The following TENM2 variants were observed in gnomAD, a reference collection of about 807,000 sequenced individuals.
The protein encoded by TENM2 is teneurin-2.
TENM2 carries 52 observed loss-of-function variants against 245.2 expected under a neutral mutation model. That is an observed-to-expected ratio of 0.21 (90% confidence interval 0.17 to 0.27). The LOEUF (loss-of-function observed/expected upper bound fraction) is 0.27. Among genes scored for constraint, TENM2 ranks in the 10% least tolerant of loss-of-function variants. TENM2 has a pLI of 1.00. For synonymous variants in TENM2, 1,363 were observed against 1,438.9 expected (o/e 0.95, Z 1.19); for missense variants, 3,046 against 3,666.8 (o/e 0.83, Z 4.37).
At chr5:167,959,493 C>T (rs1351977059) in intron 4 of TENM2, among the ~76,000 whole-genome samples, 1 of 152,188 alleles carries the variant, frequency 6.6e-6, no homozygotes, top group African/African-American at 2.4e-5. Context: ...ATCTATTTGG[C>T]TATTGATACT....
intron 6 of TENM2, among the ~76,000 whole-genome samples, chr5:168,050,479 C>A (rs1158703531): frequency 6.6e-6 from 1 of 151,974 alleles, no homozygotes; most frequent in Non-Finnish European, 1.5e-5. Context: ...AATAACACCG[C>A]CTCCTTTTTT....
At chr5:167,846,412 T>C (rs1770044230) in intron 2 of TENM2, among the ~76,000 whole-genome samples, 1 of 152,250 alleles carries the variant, frequency 6.6e-6, no homozygotes, top group Non-Finnish European at 1.5e-5. Context: ...GCAAGTCATT[T>C]CATTTCGGAA....
intron 15 of TENM2, among the ~76,000 whole-genome samples, chr5:168,197,349 CTT>C (rs1761526433): frequency 6.6e-6 from 1 of 152,108 alleles, no homozygotes; most frequent in African/African-American, 2.4e-5. Flanking sequence ...TCCAAGTACT[CTT>C]AGCTGCTGGG....
chr5:167,379,687 T>G (rs1283458072), intron 2 of TENM2, among the ~76,000 whole-genome samples: 2 of 152,024 alleles, frequency 1.3e-5, no homozygotes, highest in African/African-American at 4.8e-5. Context: ...GGAACAGACA[T>G]AAAAACTTAC....
At chr5:167,763,183 C>T (rs1265202806) in intron 2 of TENM2, among the ~76,000 whole-genome samples, 1 of 152,136 alleles carries the variant, frequency 6.6e-6, no homozygotes, top group East Asian at 1.9e-4. Flanking sequence ...AAAATGTGGT[C>T]AAAGCAAGTG....
At chr5:167,863,392 A>T (rs1772004481) in intron 2 of TENM2, among the ~76,000 whole-genome samples, 1 of 151,788 alleles carries the variant, frequency 6.6e-6, no homozygotes, top group African/African-American at 2.4e-5. Flanking sequence ...AGGCAGGAGA[A>T]TTGCCTGGGG....
chr5:167,790,224 GT>G (rs1448591829), intron 2 of TENM2, among the ~76,000 whole-genome samples: 1 of 152,094 alleles, frequency 6.6e-6, no homozygotes, highest in African/African-American at 2.4e-5. Context: ...AATACGGTCT[GT>G]TTCTAAGACT....
chr5:167,862,282 C>T (rs1053509889), intron 2 of TENM2, among the ~76,000 whole-genome samples: 49 of 151,394 alleles, frequency 3.2e-4, no homozygotes, highest in Middle Eastern at 6.8e-3. Context: ...TATGTACATG[C>T]ATTTGTGCAC....
chr5:167,214,349 G>C, the TENM2 span, among the ~76,000 whole-genome samples: 1 of 152,120 alleles, frequency 6.6e-6, no homozygotes, highest in African/African-American at 2.4e-5. Flanking sequence ...TACCATGGAA[G>C]GGATCTATAG....
intron 12 of TENM2, among the ~76,000 whole-genome samples, chr5:168,155,766 T>TA (rs761618195): frequency 6.6e-6 from 1 of 152,054 alleles, no homozygotes. Context: ...CTAACTATGA[T>TA]AGCTGTCATA....
chr5:167,909,638 G>A (rs537097792), intron 3 of TENM2, among the ~76,000 whole-genome samples: 1 of 152,148 alleles, frequency 6.6e-6, no homozygotes, highest in South Asian at 2.1e-4. Context: ...CATTTGCAAA[G>A]ATTAGAAATC....
At chr5:167,382,938 A>G (rs1253337363) in intron 2 of TENM2, among the ~76,000 whole-genome samples, 1 of 151,998 alleles carries the variant, frequency 6.6e-6, no homozygotes, top group Non-Finnish European at 1.5e-5. Flanking sequence ...ACACAAATAT[A>G]TAAAACTATG....
chr5:166,992,867 C>T, the TENM2 span, among the ~76,000 whole-genome samples: 60 of 152,242 alleles, frequency 3.9e-4, no homozygotes, highest in African/African-American at 1.3e-3. Context: ...ACAAATATGC[C>T]GCCACCTTAA....
Position 168,204,363 on chromosome 5 carries a change from C to A in TENM2, c.3575-9C>A, listed in dbSNP as rs1170163008. ...TTCAGTAACCCCTCCCATTCTCCAA[C>A]CCCCACAGGAATCCTACACAAAGGC... On this transcript the variant is annotated splice_polypyrimidine_tract_variant and intron_variant, in intron 18 of 28. Coordinates refer to ENST00000518659, the Ensembl canonical transcript of TENM2. 1.2e-6 allele frequency: 2 copies of A among 1,610,306 alleles called. No homozygotes were observed. The highest frequency in any genetic ancestry group is 1.7e-5 in the Admixed American group (1 of 59,930).
intron 2 of TENM2, among the ~76,000 whole-genome samples, chr5:167,445,363 A>AGAGAGAGAGG (rs1561961822): frequency 8.6e-5 from 12 of 139,734 alleles, no homozygotes; most frequent in African/African-American, 2.7e-4. Context: ...AGAGAGAGAG[A>AGAGAGAGAGG]GAGAGAGTGT....
chr5:168,218,830 C>T lies in TENM2; in HGVS notation c.4939C>T (p.Arg1647Cys), dbSNP rs760931286. Residue 1647 changes from arginine to cysteine, a missense_variant, in exon 23 of 29, where the codon CGT becomes TGT. Arg to Cys is a radical substitution (Grantham distance 180). This residue lies in a region of TENM2 where 2,704 missense variants were observed against 3,331.9 expected (regional missense o/e 0.81). Coordinates refer to ENST00000518659, the Ensembl canonical transcript of TENM2. The surrounding 1 kb of genome is among the most constrained non-coding windows in gnomAD (Gnocchi z 5.2). ...CCGTCGGGACAGCAGTGGCATGCCCCGTCACCTGCTCATGCCTGACAACCA... is the reference window on the plus strand; with the variant it reads ...CCGTCGGGACAGCAGTGGCATGCCCTGTCACCTGCTCATGCCTGACAACCA... The T allele has an allele frequency of 3.1e-6, 5 of 1,614,018 alleles. No homozygotes were observed. Among genetic ancestry groups the T allele is most frequent in the Admixed American group, 3.3e-5 (2 of 60,030 alleles).
chr5:167,754,751 AAAC>A (rs1762185017), intron 2 of TENM2, among the ~76,000 whole-genome samples: 2 of 146,274 alleles, frequency 1.4e-5, no homozygotes, highest in Admixed American at 6.9e-5. Context: ...AGTCTGTGTC[AAAC>A]AACGTTAACC....
chr5:167,739,727 A>T (rs1012309457), intron 2 of TENM2, among the ~76,000 whole-genome samples: 1 of 152,196 alleles, frequency 6.6e-6, no homozygotes, highest in African/African-American at 2.4e-5. Context: ...CAAAGCTCAG[A>T]ATACCAAACT....
intron 12 of TENM2, among the ~76,000 whole-genome samples, chr5:168,154,147 T>TAAAAAAAAAAAAAAAAA (rs70976465): frequency 0.023 from 1,962 of 83,646 alleles, 144 homozygotes; most frequent in Non-Finnish European, 0.039. Flanking sequence ...TCACCTACTT[T>TAAAAAAAAAAAAAAAAA]AAAAAAAAAA....
Sources: gnomAD v4.1 joint callset for allele counts (sites outside exome capture counted in the v4.1 genomes callset) on GRCh38, gnomAD v4.1.1 for gene constraint, gnomAD v4.1.1 regional missense constraint, Gnocchi (gnomAD v3.1) non-coding constraint, MANE v1.5 for transcripts, NCBI Gene and HGNC (gene_info 2026-07-23, HGNC 2026-07-21) for gene names.